Variants in KIF26B observed in about 807,000 individuals in gnomAD.
KIF26B encodes the protein kinesin-like protein KIF26B.
Under a neutral mutation model 151.2 loss-of-function variants are expected in KIF26B, and 63 were observed. That is an observed-to-expected ratio of 0.42 (90% CI 0.34 to 0.51). KIF26B has a LOEUF of 0.51. Ranked by LOEUF, KIF26B falls within the 20% of genes least tolerant of loss-of-function variation. The pLI is 0.07. For synonymous variants in KIF26B, 1,357 were observed against 1,262.1 expected (o/e 1.08, Z -1.59); for missense variants, 2,813 against 2,913.6 (o/e 0.97, Z 0.79).
rs147291742 is a variant in KIF26B at position 245,486,860 on chromosome 1, A to T, written c.1167-53907A>T. The stretch of plus-strand genomic sequence containing the variant: ...TAACGTTTCCACTTTTTGCAGAGAC[A>T]GGGTCTCGCTGTGTTGCCCAGGCTG... On this transcript the variant is annotated intron_variant, in intron 4 of 14. Coordinates refer to ENST00000407071, the MANE Select transcript of KIF26B (RefSeq NM_018012.4). Among the ~76,000 whole-genome samples the T allele has an allele frequency of 3.6e-3, 549 of 152,304 alleles. 4 individuals carry two copies. Among genetic ancestry groups the T allele is most frequent in the South Asian group, 0.011 (52 of 4,826 alleles).
intron 2 of KIF26B, among the ~76,000 whole-genome samples, chr1:245,337,806 C>T (rs574727078): frequency 2.6e-5 from 4 of 152,092 alleles, no homozygotes; most frequent in Non-Finnish European, 5.9e-5. Flanking sequence ...TCCAGAAGAC[C>T]ATGCAGTGGC....
At chr1:245,673,563 G>A (rs1033714422) in intron 10 of KIF26B, among the ~76,000 whole-genome samples, 4 of 152,170 alleles carry the variant, frequency 2.6e-5, no homozygotes, top group African/African-American at 9.7e-5. Context: ...GAATACACCT[G>A]CAGATTTTTC....
At chr1:245,172,161 G>A (rs1668722276) in intron 2 of KIF26B, among the ~76,000 whole-genome samples, 1 of 152,104 alleles carries the variant, frequency 6.6e-6, no homozygotes, top group Non-Finnish European at 1.5e-5. Context: ...CTTGGTGGTG[G>A]GGATGTAAAG....
At chr1:245,562,560 T>G (rs573123487) in intron 5 of KIF26B, among the ~76,000 whole-genome samples, 9 of 152,058 alleles carry the variant, frequency 5.9e-5, no homozygotes, top group African/African-American at 2.2e-4. Context: ...AGTTACTGAA[T>G]CTACCTGTCC....
At chr1:245,251,012 C>T (rs554780162) in intron 2 of KIF26B, among the ~76,000 whole-genome samples, 1 of 152,100 alleles carries the variant, frequency 6.6e-6, no homozygotes, top group Non-Finnish European at 1.5e-5. Flanking sequence ...GTGCAAGCTT[C>T]CAAGAGTCTT....
intron 3 of KIF26B, among the ~76,000 whole-genome samples, chr1:245,404,019 C>T (rs540150928): frequency 4.1e-4 from 62 of 152,182 alleles, no homozygotes; most frequent in African/African-American, 1.3e-3. Context: ...GAGAAGCTGA[C>T]GGTTTTGTAC....
chr1:245,330,312 A>C (rs58464570), intron 2 of KIF26B, among the ~76,000 whole-genome samples: 2 of 136,606 alleles, frequency 1.5e-5, no homozygotes, highest in Admixed American at 7.6e-5. Flanking sequence ...AGGGGCAGTC[A>C]CATGGCCTCA....
chr1:245,365,652 T>C (rs1672931425), intron 2 of KIF26B, among the ~76,000 whole-genome samples: 1 of 152,166 alleles, frequency 6.6e-6, no homozygotes, highest in Non-Finnish European at 1.5e-5. Context: ...AGATGAGCGT[T>C]ATCAATTACC....
chr1:245,435,405 A>C (rs1658893308), intron 4 of KIF26B, among the ~76,000 whole-genome samples: 1 of 152,136 alleles, frequency 6.6e-6, no homozygotes. Flanking sequence ...GTTGTTTAAA[A>C]ATTAAAGGTG....
intron 2 of KIF26B, among the ~76,000 whole-genome samples, chr1:245,212,930 G>T (rs975772600): frequency 2.6e-5 from 4 of 152,170 alleles, no homozygotes; most frequent in African/African-American, 9.7e-5. Flanking sequence ...TCTCCCTGGC[G>T]CTAACACTGA....
chr1:245,357,646 C>A (rs1278790982), intron 2 of KIF26B, among the ~76,000 whole-genome samples: 1 of 152,046 alleles, frequency 6.6e-6, no homozygotes, highest in Non-Finnish European at 1.5e-5. Flanking sequence ...ATATCCATGA[C>A]CCCCAAAAGT....
chr1:245,164,928 C>T (rs918816434), intron 2 of KIF26B, among the ~76,000 whole-genome samples: 5 of 152,028 alleles, frequency 3.3e-5, no homozygotes, highest in Admixed American at 2.0e-4. Context: ...CAAAAATTAG[C>T]CGGGCGTGGT....
Position 245,358,705 on chromosome 1 carries a change from C to T in KIF26B, c.466-8129C>T, listed in dbSNP as rs1248686675. Among the ~76,000 whole-genome samples the T allele has an allele frequency of 6.6e-6, 1 of 152,182 alleles. No individual in the cohort carries two copies. The highest frequency in any genetic ancestry group is 1.9e-4 in the East Asian group (1 of 5,198). On this transcript the variant is annotated intron_variant, in intron 2 of 14. Transcript: ENST00000407071. The surrounding 1 kb of genome is among the most constrained non-coding windows in gnomAD (Gnocchi z 4.1). ...AATAATTCCATTTGCTGCCTGCTGG[C>T]ACATTAAAGCCTACATGTAAAAAAT...
At chr1:245,388,026 A>T (rs1673594873) in intron 3 of KIF26B, among the ~76,000 whole-genome samples, 1 of 152,198 alleles carries the variant, frequency 6.6e-6, no homozygotes, top group African/African-American at 2.4e-5. Flanking sequence ...CCCTTAGGAA[A>T]GTGAGCGGCA....
intron 2 of KIF26B, among the ~76,000 whole-genome samples, chr1:245,286,586 T>C (rs1309860679): frequency 6.6e-6 from 1 of 152,098 alleles, no homozygotes; most frequent in East Asian, 1.9e-4. Flanking sequence ...ATTTTAAATA[T>C]TGATTCTTAA....
intron 4 of KIF26B, among the ~76,000 whole-genome samples, chr1:245,440,739 C>T (rs955861014): frequency 2.0e-5 from 3 of 152,166 alleles, no homozygotes; most frequent in South Asian, 2.1e-4. Context: ...TAAAGCGGTC[C>T]GTTATTCCGA....
rs556633023 is a variant in KIF26B at position 245,364,963 on chromosome 1, A to G, written c.466-1871A>G. ...TTCCTAGTGAAAACATGGGGCTGGA[A>G]CCCTTCTGTGTCCGTGGGAAAATAG... On this transcript the variant is annotated intron_variant, in intron 2 of 14. Coordinates refer to ENST00000407071, the MANE Select transcript of KIF26B (RefSeq NM_018012.4). 2.0e-5 allele frequency among the ~76,000 whole-genome samples: 3 copies of G among 152,302 alleles called. No individual in the cohort carries two copies. In the East Asian group the frequency reaches 5.8e-4, roughly 29 times the overall value.
At chr1:245,283,536 G>A (rs1040201611) in intron 2 of KIF26B, among the ~76,000 whole-genome samples, 1 of 152,012 alleles carries the variant, frequency 6.6e-6, no homozygotes, top group Non-Finnish European at 1.5e-5. Context: ...GTTCAGACTT[G>A]GGCTGTAGGC....
chr1:245,227,790 C>T lies in KIF26B; in HGVS notation c.465+71107C>T, dbSNP rs1669905024. Among the ~76,000 whole-genome samples the T allele has an allele frequency of 6.6e-6, 1 of 152,150 alleles. No homozygotes were observed. The highest frequency in any genetic ancestry group is 1.5e-5 in the Non-Finnish European group (1 of 68,040). ...CTGAGGTGGGTGGATTACCTGAGGT[C>T]AGGAGTTTGAGACCAGCCTGGCCAA... On this transcript the variant is annotated intron_variant, in intron 2 of 14. Coordinates refer to ENST00000407071, the MANE Select transcript of KIF26B (RefSeq NM_018012.4). This position sits in a 1 kb window ranked among gnomAD's most constrained non-coding sequence, Gnocchi z 4.1.
Sources: allele counts gnomAD v4.1 joint callset (sites outside exome capture counted in the v4.1 genomes callset), GRCh38; gene constraint gnomAD v4.1.1; non-coding constraint Gnocchi (gnomAD v3.1); transcripts MANE v1.5; gene names NCBI Gene and HGNC (gene_info 2026-07-23, HGNC 2026-07-21).